The following HMCN1 variants were observed in gnomAD, a reference collection of about 807,000 sequenced individuals.
HMCN1 encodes hemicentin 1.
HMCN1 carries 321 observed loss-of-function variants against 625.9 expected under a neutral mutation model. The ratio of observed to expected loss-of-function variants is 0.51; its 90% CI spans 0.47 to 0.56. The LOEUF is 0.56. Among genes scored for constraint, HMCN1 ranks in the 20% least tolerant of loss-of-function variants. HMCN1 has a pLI of 0.00. For synonymous variants in HMCN1, 2,425 were observed against 2,417.6 expected (o/e 1.00, Z -0.09); for missense variants, 6,588 against 6,887.3 (o/e 0.96, Z 1.54).
intron 1 of HMCN1, among the ~76,000 whole-genome samples, chr1:185,783,549 G>A (rs967587508): frequency 2.6e-5 from 4 of 152,242 alleles, no homozygotes; most frequent in South Asian, 2.1e-4. Flanking sequence ...CTGTTTGTTA[G>A]TTTTCCTTCT....
At chr1:185,949,695 T>C (rs1185663630) in intron 11 of HMCN1, among the ~76,000 whole-genome samples, 5 of 151,834 alleles carry the variant, frequency 3.3e-5, no homozygotes, top group African/African-American at 4.9e-5. Flanking sequence ...GAAATGACTG[T>C]GGTGGCCTTC....
chr1:185,987,629 C>T (rs1652091628), intron 20 of HMCN1, 85 bp downstream of exon 20: 1 of 925,006 alleles, frequency 1.1e-6, no homozygotes, highest in East Asian at 2.4e-5. Flanking sequence ...GCAGGAGGCT[C>T]AGGAGTGGGG....
chr1:186,073,399 G>A (rs946897117), intron 52 of HMCN1, among the ~76,000 whole-genome samples: 1 of 152,168 alleles, frequency 6.6e-6, no homozygotes, highest in South Asian at 2.1e-4. Flanking sequence ...GAGTCCACAA[G>A]TATAGAAAAT....
At chr1:186,086,487 T>G in intron 58 of HMCN1, 80 bp downstream of exon 58, 6 of 1,419,628 alleles carry the variant, frequency 4.2e-6, no homozygotes, top group Non-Finnish European at 4.9e-6. Flanking sequence ...ATTAGTGTAT[T>G]TCCAAACTTT....
intron 19 of HMCN1, among the ~76,000 whole-genome samples, chr1:185,985,275 T>C (rs953792516): frequency 6.6e-6 from 1 of 152,230 alleles, no homozygotes; most frequent in Admixed American, 6.5e-5. Flanking sequence ...AGTTATAACC[T>C]AGAGGAATAA....
chr1:186,055,723 A>C, intron 45 of HMCN1, 49 bp downstream of exon 45: 1 of 1,565,604 alleles, frequency 6.4e-7, no homozygotes, highest in Non-Finnish European at 8.8e-7. Flanking sequence ...AACGTAATCT[A>C]GCATCCTGGA....
chr1:185,805,542 C>G (rs539261726), intron 1 of HMCN1, among the ~76,000 whole-genome samples: 2 of 152,082 alleles, frequency 1.3e-5, no homozygotes, highest in Non-Finnish European at 2.9e-5. Context: ...TGTCATATCT[C>G]ATTATTGATA....
In HMCN1 at chr1:185,797,210, T is replaced by C. The variant is rs553938789; in HGVS notation, c.269-48816T>C. ...ATGGGGTTGTTTTTTTCCTGCTGAG[T>C]TGTTTGAATTCCTTGTAGATTCTGG... is the stretch of plus-strand genomic sequence containing the variant. On this transcript the variant is annotated intron_variant, in intron 1 of 106. Transcript: ENST00000271588. Among the ~76,000 whole-genome samples, 4 of 152,332 alleles carry C rather than the reference T, an allele frequency of 2.6e-5. No individual in the cohort carries two copies. In the South Asian group the frequency reaches 8.3e-4, roughly 32 times the overall value.
chr1:186,018,439 G>A (rs922559412), intron 34 of HMCN1, 87 bp downstream of exon 34: 1 of 1,282,744 alleles, frequency 7.8e-7, no homozygotes. Flanking sequence ...GCTCAATAAT[G>A]TGAATAAATC....
chr1:186,129,908 T>C lies in HMCN1; in HGVS notation c.12905-58T>C, dbSNP rs548075678. 420 of 1,606,530 alleles carry C rather than the reference T, an allele frequency of 2.6e-4. 4 individuals are homozygous for C. In the South Asian group the frequency reaches 4.3e-3, roughly 17 times the overall value. Reference sequence around the variant, plus strand: ...ATCTAATGTGCAAAATACTGAGCTGTCGTGAAATTTTTCCTAGGTTACTGA... The same window carrying C: ...ATCTAATGTGCAAAATACTGAGCTGCCGTGAAATTTTTCCTAGGTTACTGA... On this transcript the variant is annotated intron_variant, in intron 83 of 106. Transcript: ENST00000271588.
intron 33 of HMCN1, among the ~76,000 whole-genome samples, chr1:186,017,565 G>C (rs1304041354): frequency 2.0e-5 from 3 of 151,926 alleles, no homozygotes; most frequent in Non-Finnish European, 2.9e-5. Context: ...GATATGCAGA[G>C]GAAGAGTTAG....
intron 6 of HMCN1, among the ~76,000 whole-genome samples, chr1:185,914,591 A>G (rs960240858): frequency 5.3e-5 from 8 of 151,570 alleles, no homozygotes; most frequent in Admixed American, 2.6e-4. Context: ...TCCCCCCACC[A>G]CATTCTCTTA....
chr1:185,933,901 GCTAT>G lies in HMCN1; in HGVS notation c.1828+80_1828+83del, dbSNP rs1667687605. ...TTAAAATTTTTGTCCTCCCAAGTTG[GCTAT>G]CTGAGAGTGAGAGTATCTACCCAAA... On this transcript the variant is annotated intron_variant, in intron 11 of 106. Coordinates refer to ENST00000271588, the MANE Select transcript of HMCN1 (RefSeq NM_031935.3). The G allele has an allele frequency of 4.0e-5, 52 of 1,297,620 alleles. 1 individual carries two copies. In the South Asian group the frequency reaches 5.6e-4, roughly 14 times the overall value. The allele number at this position is 1,297,620 out of a possible 1,614,324, so 80.4% of individuals were successfully genotyped here.
Position 186,152,912 on chromosome 1 carries a change from T to C in HMCN1, c.15018+41T>C, listed in dbSNP as rs568252466. 7.4e-6 allele frequency: 12 copies of C among 1,610,786 alleles called. No homozygotes were observed. The South Asian group carries it at 1.2e-4, about 16-fold the overall frequency. On this transcript the variant is annotated intron_variant, in intron 96 of 106. Coordinates refer to ENST00000271588, the MANE Select transcript of HMCN1 (RefSeq NM_031935.3). ...AACTTGTCTTTGCTGCTTATTAGAG[T>C]AATGATGAGTGAAAGGTCCATAGAA...
In HMCN1 at chr1:185,997,486, T is replaced by C. The variant is rs746923063; in HGVS notation, c.3836T>C (p.Val1279Ala). 2 of 1,612,692 alleles carry C rather than the reference T, an allele frequency of 1.2e-6. No individual in the cohort carries two copies. The highest frequency in any genetic ancestry group is 3.3e-5 in the Admixed American group (2 of 59,906). The change falls in exon 25 of 107, where the codon GTG becomes GCG. Residue 1279 changes from valine to alanine, a missense_variant. Physicochemically the swap from Val to Ala is moderately conservative, Grantham distance 64. Coordinates refer to ENST00000271588, the MANE Select transcript of HMCN1 (RefSeq NM_031935.3). ...TATAACACTACTTTCCAAGAAAGAG[T>C]GGCCAATCAACGCATTGAATTTCCA... ...PPYNTTFQER[V>A]ANQRIEFPCP...
intron 1 of HMCN1, among the ~76,000 whole-genome samples, chr1:185,736,331 G>A (rs1053191401): frequency 4.0e-5 from 6 of 150,978 alleles, no homozygotes; most frequent in Admixed American, 6.6e-5. Context: ...GGTTAAACAT[G>A]AATATTATTT....
chr1:185,855,772 C>T (rs1249426932), intron 2 of HMCN1, among the ~76,000 whole-genome samples: 1 of 152,148 alleles, frequency 6.6e-6, no homozygotes, highest in Non-Finnish European at 1.5e-5. Context: ...AAAGCATGGA[C>T]ATTGTTGTAA....
intron 7 of HMCN1, 51 bp from the exon 8 acceptor site, chr1:185,923,339 A>G (rs760941678): frequency 2.9e-6 from 4 of 1,387,150 alleles, no homozygotes; most frequent in South Asian, 2.3e-5. Context: ...TTTGATATAT[A>G]ACTTCAATTG....
intron 89 of HMCN1, among the ~76,000 whole-genome samples, chr1:186,138,721 C>T (rs1039009012): frequency 3.9e-5 from 6 of 152,110 alleles, no homozygotes; most frequent in Non-Finnish European, 5.9e-5. Context: ...TCTCAGAATT[C>T]GTATCAGTCT....
Sources: allele counts gnomAD v4.1 joint callset (sites outside exome capture counted in the v4.1 genomes callset), GRCh38; gene constraint gnomAD v4.1.1; transcripts MANE v1.5; gene names NCBI Gene and HGNC (gene_info 2026-07-23, HGNC 2026-07-21).